The following ABI3BP variants were observed in gnomAD, a reference collection of about 807,000 sequenced individuals.
ABI3BP encodes target of Nesh-SH3.
In ABI3BP, 216 loss-of-function variants were observed where a neutral mutation model predicts 268.6. The observed-to-expected ratio is 0.80, with a 90% CI of 0.72 to 0.90. ABI3BP has a LOEUF of 0.90. ABI3BP is among the 40% of genes least tolerant of loss of function. ABI3BP has a pLI of 0.00. For missense variants in ABI3BP, 2,090 were observed against 2,182.4 expected (o/e 0.96, Z 0.84); for synonymous variants, 730 against 730.0 (o/e 1.00, Z 0.00).
rs1343372864 is a variant in ABI3BP, at chr3:100,796,470, T to G, written c.3758-2A>C. 6.2e-7 allele frequency: 1 copy of G among 1,600,264 alleles called. No homozygotes were observed. Reference sequence around the variant, plus strand: ...GAGGAAGGAGCACATCTTTTGGAGCTGAAAGAAAAAGATTATAAAACACTG... The same window carrying G: ...GAGGAAGGAGCACATCTTTTGGAGCGGAAAGAAAAAGATTATAAAACACTG... On this transcript the variant is annotated splice_acceptor_variant, in intron 51 of 67. Transcript: ENST00000471714. LOFTEE classifies it high-confidence loss of function.
In ABI3BP at chr3:100,867,640, C is replaced by CAAA. The variant is rs5851230; in HGVS notation, c.911-687_911-685dup. Among the ~76,000 whole-genome samples the CAAA allele has an allele frequency of 5.2e-3, 331 of 63,288 alleles. 3 individuals are homozygous for CAAA. The highest frequency in any genetic ancestry group is 8.6e-3 in the East Asian group (19 of 2,202). 41.5% of individuals were successfully genotyped at this position (63,288 alleles called of 152,430 possible). A position where few individuals can be genotyped will look rare whatever the true frequency, so the allele number is the denominator to read the frequency against. On this transcript the variant is annotated intron_variant, in intron 9 of 67. Transcript: ENST00000471714. Reference sequence around the variant, plus strand: ...TGGGTGACAGAGCGAGACCCCGTCTCAAAAAAAAAAAAAAAAAAAAAGAAA... The same window carrying CAAA: ...TGGGTGACAGAGCGAGACCCCGTCTCAAAAAAAAAAAAAAAAAAAAAAAAGAAA...
intron 15 of ABI3BP, 121 bp from the exon 16 acceptor site, chr3:100,850,855 G>C: frequency 1.4e-6 from 1 of 692,850 alleles, no homozygotes; most frequent in Non-Finnish European, 2.5e-6. Flanking sequence ...TTGAGGGCTT[G>C]CTGGCCCACA....
intron 63 of ABI3BP, among the ~76,000 whole-genome samples, chr3:100,756,704 G>GTCTTTTTA (rs2095636185): frequency 6.7e-6 from 1 of 149,812 alleles, no homozygotes; most frequent in Non-Finnish European, 1.5e-5. Context: ...TTGTCTCCAT[G>GTCTTTTTA]TCTTTTTATT....
intron 51 of ABI3BP, among the ~76,000 whole-genome samples, chr3:100,802,804 A>G (rs2097569812): frequency 8.8e-6 from 1 of 113,804 alleles, no homozygotes; most frequent in Non-Finnish European, 2.3e-5. Flanking sequence ...ACTTTTACAG[A>G]AGAGTTTATT....
intron 62 of ABI3BP, 68 bp downstream of exon 62, chr3:100,770,675 T>TA (rs1577096191): frequency 1.5e-6 from 2 of 1,358,428 alleles, no homozygotes; most frequent in Non-Finnish European, 1.9e-6. Context: ...TGACCCAGGG[T>TA]ACCCCACTCC....
chr3:100,978,937 G>T (rs991442928), intron 1 of ABI3BP, among the ~76,000 whole-genome samples: 7 of 152,192 alleles, frequency 4.6e-5, no homozygotes, highest in African/African-American at 1.7e-4. Flanking sequence ...GAGTGAAAGT[G>T]GGGGAGGTTA....
chr3:100,750,246 T>C lies in ABI3BP; in HGVS notation c.*249A>G, dbSNP rs558983665. 2.8e-5 allele frequency: 10 copies of C among 350,884 alleles called. No homozygotes were observed. The South Asian group carries it at 4.8e-4, about 17-fold the overall frequency. 21.7% of individuals were successfully genotyped at this position (350,884 alleles called of 1,614,324 possible). ...ATACAAATGATCTCTTAAAATACCA[T>C]GAATAGGGAGCCAGCTTCCCCAAAA... On this transcript the variant is annotated 3_prime_UTR_variant, in exon 68 of 68. Transcript: ENST00000471714.
At chr3:100,884,738 G>GACCAAAGACAAA (rs6147977) in intron 6 of ABI3BP, among the ~76,000 whole-genome samples, 1 of 151,046 alleles carries the variant, frequency 6.6e-6, no homozygotes, top group Non-Finnish European at 1.5e-5. Context: ...AATATCTAGG[G>GACCAAAGACAAA]ACCAAATTCC....
At chr3:100,841,060 G>A (rs1217519222) in intron 21 of ABI3BP, among the ~76,000 whole-genome samples, 1 of 152,080 alleles carries the variant, frequency 6.6e-6, no homozygotes, top group African/African-American at 2.4e-5. Flanking sequence ...AATGTAGCCA[G>A]TCAGTTAAGT....
At chr3:100,920,168 T>C (rs1371591213) in intron 2 of ABI3BP, among the ~76,000 whole-genome samples, 1 of 152,178 alleles carries the variant, frequency 6.6e-6, no homozygotes, top group Admixed American at 6.5e-5. Flanking sequence ...TTACCAACAC[T>C]ATCTCCGCAC....
chr3:100,945,959 C>T (rs2071972202), intron 1 of ABI3BP, among the ~76,000 whole-genome samples: 1 of 152,152 alleles, frequency 6.6e-6, no homozygotes, highest in Admixed American at 6.5e-5. Context: ...TTGAGGACCA[C>T]TCCAAATTGT....
chr3:100,915,838 C>T lies in ABI3BP; in HGVS notation c.259+10464G>A, dbSNP rs191974171. Among the ~76,000 whole-genome samples, 649 of 152,308 alleles carry T rather than the reference C, an allele frequency of 4.3e-3. 3 individuals are homozygous for T. Among genetic ancestry groups the T allele is most frequent in the African/African-American group, 0.014 (597 of 41,574 alleles). Reference sequence around the variant, plus strand: ...GTTCCAGGTCATTTCATTTCCTGTGCTCCTGGCATAGAGTTGGGAGCATCT... The same window carrying T: ...GTTCCAGGTCATTTCATTTCCTGTGTTCCTGGCATAGAGTTGGGAGCATCT... On this transcript the variant is annotated intron_variant, in intron 2 of 67. Transcript: ENST00000471714.
chr3:100,755,942 C>CTGTCAGA (rs1440185030), intron 63 of ABI3BP, among the ~76,000 whole-genome samples: 1 of 152,112 alleles, frequency 6.6e-6, no homozygotes, highest in Non-Finnish European at 1.5e-5. Context: ...TGGATGACAG[C>CTGTCAGA]TGTCAGTTTG....
chr3:100,932,284 T>C (rs758594357), intron 1 of ABI3BP, among the ~76,000 whole-genome samples: 1 of 152,032 alleles, frequency 6.6e-6, no homozygotes, highest in Non-Finnish European at 1.5e-5. Flanking sequence ...ATTCTGGACA[T>C]AGGCCTTCGC....
Position 100,830,144 on chromosome 3 carries a change from T to TAC in ABI3BP, c.2458+433_2458+434insGT, listed in dbSNP as rs1307520091. ...ATATATATATATATATATATATATA[T>TAC]ATATATATATATATATATATAAAAT... On this transcript the variant is annotated intron_variant, in intron 32 of 67. Coordinates refer to ENST00000471714, the MANE Select transcript of ABI3BP (RefSeq NM_001375547.2). Among the ~76,000 whole-genome samples the TAC allele has an allele frequency of 1.0e-4, 6 of 58,808 alleles. No individual in the cohort carries two copies. The East Asian group carries it at 1.9e-3, about 19-fold the overall frequency. The allele number at this position is 58,808 out of a possible 152,430, so 38.6% of individuals were successfully genotyped here. A position where few individuals can be genotyped will look rare whatever the true frequency, so the allele number is the denominator to read the frequency against.
At chr3:100,913,545 A>ATG (rs1277239672) in intron 2 of ABI3BP, among the ~76,000 whole-genome samples, 1 of 152,190 alleles carries the variant, frequency 6.6e-6, no homozygotes, top group East Asian at 1.9e-4. Flanking sequence ...CTGCTTGGGC[A>ATG]TGTGCTAAGT....
intron 1 of ABI3BP, among the ~76,000 whole-genome samples, chr3:100,934,064 T>C (rs2064865175): frequency 6.6e-6 from 1 of 152,000 alleles, no homozygotes; most frequent in South Asian, 2.1e-4. Context: ...ACACGTGCCA[T>C]GGTGGTTTGC....
At chr3:100,905,049 A>G (rs1005312539) in intron 2 of ABI3BP, among the ~76,000 whole-genome samples, 11 of 152,328 alleles carry the variant, frequency 7.2e-5, no homozygotes, top group South Asian at 6.2e-4. Flanking sequence ...AAGAAAATGT[A>G]GCACATATAC....
At chr3:100,938,949 G>A (rs1371664471) in intron 1 of ABI3BP, among the ~76,000 whole-genome samples, 1 of 152,096 alleles carries the variant, frequency 6.6e-6, no homozygotes, top group Non-Finnish European at 1.5e-5. Context: ...GTGTGTGCAT[G>A]CACATGTGCC....
Sources: allele counts gnomAD v4.1 joint callset (sites outside exome capture counted in the v4.1 genomes callset), GRCh38; gene constraint gnomAD v4.1.1; transcripts MANE v1.5; gene names NCBI Gene and HGNC (gene_info 2026-07-23, HGNC 2026-07-21).